Variants in DCC observed in about 807,000 individuals in gnomAD.
DCC encodes the protein DCC netrin 1 receptor.
In DCC, 58 loss-of-function variants were observed where a neutral mutation model predicts 172.5. The ratio of observed to expected loss-of-function variants is 0.34; its 90% confidence interval spans 0.27 to 0.42. The LOEUF is 0.42. DCC is among the 10% of genes least tolerant of loss of function. The probability of loss-of-function intolerance (pLI) is 1.00; values close to 1 mark genes in which losing one functional copy is unlikely to be tolerated. For synonymous variants in DCC, 709 were observed against 644.5 expected, an observed-to-expected ratio of 1.10 and a Z score of -1.52; for missense variants, 1,740 against 1,791.0, an observed-to-expected ratio of 0.97 and a Z score of 0.51.
intron 1 of DCC, among the ~76,000 whole-genome samples, chr18:52,451,811 A>T (rs1308278618): frequency 6.6e-6 from 1 of 151,980 alleles, no homozygotes; most frequent in East Asian, 1.9e-4. Flanking sequence ...GTCTTGGTTT[A>T]TGTATCTCTG....
intron 1 of DCC, among the ~76,000 whole-genome samples, chr18:52,390,526 G>A (rs1277571263): frequency 6.6e-6 from 1 of 152,056 alleles, no homozygotes; most frequent in Non-Finnish European, 1.5e-5. Context: ...TTTTAAATTT[G>A]TGGGTAGGAT....
At chr18:52,809,661 A>C (rs2038156422) in intron 2 of DCC, among the ~76,000 whole-genome samples, 1 of 152,166 alleles carries the variant, frequency 6.6e-6, no homozygotes, top group African/African-American at 2.4e-5. Context: ...GGCAAACAGC[A>C]GTGGGGGACG....
At chr18:53,140,400 CATTTTTATGAGAGGAA>C (rs2043812847) in intron 7 of DCC, among the ~76,000 whole-genome samples, 1 of 152,052 alleles carries the variant, frequency 6.6e-6, no homozygotes, top group Non-Finnish European at 1.5e-5. Context: ...GTATGGGTGG[CATTTTTATGAGAGGAA>C]ATTGAGAGCA....
At chr18:53,112,563 A>G (rs571939267) in intron 7 of DCC, among the ~76,000 whole-genome samples, 1 of 151,640 alleles carries the variant, frequency 6.6e-6, no homozygotes, top group East Asian at 2.0e-4. Flanking sequence ...GGGTGTATGA[A>G]TAATGTAATG....
chr18:52,561,108 T>C (rs560926823), intron 1 of DCC, among the ~76,000 whole-genome samples: 1 of 152,214 alleles, frequency 6.6e-6, no homozygotes, highest in East Asian at 1.9e-4. Flanking sequence ...AAGATTTTTT[T>C]TAATTTCTTT....
intron 5 of DCC, among the ~76,000 whole-genome samples, chr18:53,037,521 C>T (rs866558579): frequency 9.9e-5 from 15 of 151,812 alleles, no homozygotes; most frequent in Admixed American, 1.3e-4. Context: ...CTCTTGGTCC[C>T]GCAAGAGCCT....
At chr18:52,725,985 A>C (rs1488472706) in intron 1 of DCC, among the ~76,000 whole-genome samples, 1 of 152,178 alleles carries the variant, frequency 6.6e-6, no homozygotes, top group Non-Finnish European at 1.5e-5. Context: ...ATGAACTGCT[A>C]ATATCATTCC....
At chr18:52,708,718 C>A (rs2145050566) in intron 1 of DCC, among the ~76,000 whole-genome samples, 1 of 152,118 alleles carries the variant, frequency 6.6e-6, no homozygotes, top group South Asian at 2.1e-4. Context: ...GTAGCTCAGT[C>A]CTTAGATGAG....
intron 13 of DCC, among the ~76,000 whole-genome samples, chr18:53,317,983 A>G (rs747813807): frequency 6.6e-6 from 1 of 151,416 alleles, no homozygotes; most frequent in Non-Finnish European, 1.5e-5. Flanking sequence ...TATCTCCTTC[A>G]TTTCTGCTCT....
Position 53,041,110 on chromosome 18 carries a change from G to GTGCCTATGTCCTGAATAGTAT in DCC, c.986-22189_986-22188insTGTCCTGAATAGTATTGCCTA, listed in dbSNP as rs74178699. On this transcript the variant is annotated intron_variant, in intron 5 of 28. Transcript: ENST00000442544. ...TGTTTTAGTCATAAAGTCTTTGCCC[G>GTGCCTATGTCCTGAATAGTAT]TGCCTAGGTTTTCTTTTAGGGTTTT... Among the ~76,000 whole-genome samples the GTGCCTATGTCCTGAATAGTAT allele has an allele frequency of 4.6e-5, 7 of 150,870 alleles. No individual in the cohort carries two copies. In the East Asian group the frequency reaches 7.9e-4, roughly 17 times the overall value.
chr18:52,874,442 C>T (rs547759499), intron 2 of DCC, among the ~76,000 whole-genome samples: 1 of 152,072 alleles, frequency 6.6e-6, no homozygotes, highest in African/African-American at 2.4e-5. Flanking sequence ...TATTTAAATA[C>T]AAAAATAAAA....
At chr18:52,380,901 G>A (rs1985558203) in intron 1 of DCC, among the ~76,000 whole-genome samples, 1 of 152,090 alleles carries the variant, frequency 6.6e-6, no homozygotes, top group Admixed American at 6.6e-5. Context: ...GTCTCTTTCA[G>A]CTAGGAGCAA....
intron 1 of DCC, among the ~76,000 whole-genome samples, chr18:52,675,385 A>G (rs2035630373): frequency 6.6e-6 from 1 of 152,122 alleles, no homozygotes; most frequent in Non-Finnish European, 1.5e-5. Flanking sequence ...AACTCAACCA[A>G]TTGTCAACTA....
intron 23 of DCC, among the ~76,000 whole-genome samples, chr18:53,457,990 C>T (rs935993715): frequency 2.0e-4 from 31 of 152,148 alleles, no homozygotes; most frequent in Non-Finnish European, 3.2e-4. Context: ...TATTCATCAT[C>T]GGAAAACCAA....
Position 52,446,324 on chromosome 18 carries a change from A to G in DCC, c.91+105446A>G, listed in dbSNP as rs191770717. Among the ~76,000 whole-genome samples the G allele has an allele frequency of 4.9e-3, 748 of 152,256 alleles. 3 individuals are homozygous for G. The highest frequency in any genetic ancestry group is 6.3e-3 in the Non-Finnish European group (428 of 68,018). On this transcript the variant is annotated intron_variant, in intron 1 of 28. Coordinates refer to ENST00000442544, the MANE Select transcript of DCC (RefSeq NM_005215.4). ...AGGAAAGAAGACAATAAATTTTAGG[A>G]TGTTTGAAATTCTGTATTTGCTTAT... is the stretch of plus-strand genomic sequence containing the variant.
At chr18:53,223,199 C>T (rs1360234624) in intron 12 of DCC, among the ~76,000 whole-genome samples, 2 of 152,052 alleles carry the variant, frequency 1.3e-5, no homozygotes, top group Non-Finnish European at 2.9e-5. Flanking sequence ...TCTCATCTTT[C>T]ATATTTCATA....
At chr18:53,307,714 A>T (rs1415421355) in intron 13 of DCC, among the ~76,000 whole-genome samples, 1 of 151,488 alleles carries the variant, frequency 6.6e-6, no homozygotes, top group Non-Finnish European at 1.5e-5. Flanking sequence ...CAATCTCATT[A>T]GCAAATAGAG....
intron 5 of DCC, among the ~76,000 whole-genome samples, chr18:53,001,107 G>A (rs2041558687): frequency 1.3e-5 from 2 of 151,958 alleles, no homozygotes; most frequent in South Asian, 4.1e-4. Flanking sequence ...CAACCCCTAA[G>A]CAAGATAGTT....
chr18:52,472,852 A>G (rs1250731883), intron 1 of DCC, among the ~76,000 whole-genome samples: 1 of 152,150 alleles, frequency 6.6e-6, no homozygotes, highest in Admixed American at 6.6e-5. Flanking sequence ...GGCTGCAGTC[A>G]ACTATGATTG....
Sources: gnomAD v4.1 joint callset for allele counts (sites outside exome capture counted in the v4.1 genomes callset) on GRCh38, gnomAD v4.1.1 for gene constraint, MANE v1.5 for transcripts, NCBI Gene and HGNC (gene_info 2026-07-23, HGNC 2026-07-21) for gene names.